ZNF892: variants seen among roughly 807,000 people sequenced by gnomAD.
ZNF892 encodes the protein zinc finger protein 570-like.
the ZNF892 span, chr2:95,208,521 AT>A: frequency 2.5e-6 from 1 of 396,844 alleles, no homozygotes; most frequent in Non-Finnish European, 4.4e-6. Context: ...ATTAAAAGAT[AT>A]TATGCGATTT....
chr2:95,243,888 T>C, the ZNF892 span, among the ~76,000 whole-genome samples: 4 of 152,190 alleles, frequency 2.6e-5, no homozygotes, highest in Non-Finnish European at 4.4e-5. Flanking sequence ...ATGGCGGTTT[T>C]GTGGAATAGA....
At chr2:95,256,441 G>C in the ZNF892 span, among the ~76,000 whole-genome samples, 1 of 152,200 alleles carries the variant, frequency 6.6e-6, no homozygotes, top group East Asian at 1.9e-4. Flanking sequence ...CGAGAGATCA[G>C]CTCTTAGTCT....
the ZNF892 span, among the ~76,000 whole-genome samples, chr2:95,228,953 A>G: frequency 6.6e-6 from 1 of 152,142 alleles, no homozygotes; most frequent in African/African-American, 2.4e-5. Context: ...ACTCAAAAGA[A>G]TGCAACCATT....
At chr2:95,210,193 G>A in the ZNF892 span, among the ~76,000 whole-genome samples, 1 of 146,616 alleles carries the variant, frequency 6.8e-6, no homozygotes, top group African/African-American at 2.5e-5. Context: ...ATGTATATGT[G>A]TATATATGTA....
At chr2:95,228,884 C>T in the ZNF892 span, among the ~76,000 whole-genome samples, 35 of 152,106 alleles carry the variant, frequency 2.3e-4, no homozygotes, top group Admixed American at 1.3e-3. Flanking sequence ...CAAAGTTACC[C>T]CTCTGCTCAC....
chr2:95,235,401 C>T, the ZNF892 span, among the ~76,000 whole-genome samples: 6 of 145,914 alleles, frequency 4.1e-5, no homozygotes, highest in East Asian at 2.0e-4. Flanking sequence ...CTAGCTCTGT[C>T]GCCCAGGCTG....
At chr2:95,209,347 G>C in the ZNF892 span, among the ~76,000 whole-genome samples, 1 of 152,224 alleles carries the variant, frequency 6.6e-6, no homozygotes, top group African/African-American at 2.4e-5. Context: ...CCTAGACTGT[G>C]GTGAGGGAAG....
At chr2:95,232,791 C>A in the ZNF892 span, among the ~76,000 whole-genome samples, 3 of 9,474 alleles carry the variant, frequency 3.2e-4, no homozygotes, top group African/African-American at 2.6e-3. Flanking sequence ...ATATAGACTG[C>A]TTTGAATATA....
At chr2:95,255,601 G>C in the ZNF892 span, among the ~76,000 whole-genome samples, 13 of 152,268 alleles carry the variant, frequency 8.5e-5, no homozygotes, top group Middle Eastern at 0.01. Context: ...AGGTCTGCTT[G>C]GTGCAGAGCT....
At chr2:95,212,437 A>G in the ZNF892 span, among the ~76,000 whole-genome samples, 3 of 152,250 alleles carry the variant, frequency 2.0e-5, no homozygotes, top group East Asian at 5.8e-4. Flanking sequence ...TTATCTGTTT[A>G]TAAAGTTATA....
At chr2:95,215,080 C>A in the ZNF892 span, 1 of 501,464 alleles carries the variant, frequency 2.0e-6, no homozygotes, top group Non-Finnish European at 3.6e-6. Context: ...ACATTCCTTA[C>A]CCAGCATCAG....
the ZNF892 span, among the ~76,000 whole-genome samples, chr2:95,235,907 G>C: frequency 6.6e-6 from 1 of 152,174 alleles, no homozygotes; most frequent in South Asian, 2.1e-4. Context: ...ATACAGTACT[G>C]TTCAACGCCT....
the ZNF892 span, among the ~76,000 whole-genome samples, chr2:95,258,054 C>T: frequency 1.1e-4 from 17 of 152,294 alleles, no homozygotes; most frequent in African/African-American, 3.4e-4. Flanking sequence ...GGCTCACGCT[C>T]GGTGTGCTGC....
chr2:95,238,534 C>T, the ZNF892 span, among the ~76,000 whole-genome samples: 1 of 152,146 alleles, frequency 6.6e-6, no homozygotes, highest in East Asian at 1.9e-4. Flanking sequence ...CTCTGAAGCC[C>T]ATGGATCAAG....
the ZNF892 span, among the ~76,000 whole-genome samples, chr2:95,213,138 T>TA: frequency 6.6e-6 from 1 of 152,236 alleles, no homozygotes; most frequent in African/African-American, 2.4e-5. Flanking sequence ...AAGCCGTTGT[T>TA]AGTCTGCCTA....
At chr2:95,219,473 G>A in the ZNF892 span, among the ~76,000 whole-genome samples, 1 of 152,018 alleles carries the variant, frequency 6.6e-6, no homozygotes, top group African/African-American at 2.4e-5. Flanking sequence ...TATTTTGTTT[G>A]TATTGAGCAT....
chr2:95,236,821 A>C, the ZNF892 span, among the ~76,000 whole-genome samples: 16 of 152,234 alleles, frequency 1.1e-4, no homozygotes, highest in Non-Finnish European at 2.1e-4. Context: ...TTGGCAAGAA[A>C]ATTTTATTAT....
the ZNF892 span, among the ~76,000 whole-genome samples, chr2:95,218,965 A>G: frequency 6.6e-6 from 1 of 152,142 alleles, no homozygotes; most frequent in Non-Finnish European, 1.5e-5. Context: ...GACATAGTTC[A>G]TAACAGTTTT....
chr2:95,229,837 T>A, the ZNF892 span, among the ~76,000 whole-genome samples: 1 of 152,240 alleles, frequency 6.6e-6, no homozygotes, highest in East Asian at 1.9e-4. Context: ...AGCAGACAGA[T>A]GTTTAGCTTT....
Sources: allele counts gnomAD v4.1 joint callset (sites outside exome capture counted in the v4.1 genomes callset), GRCh38; gene constraint gnomAD v4.1.1; transcripts MANE v1.5; gene names NCBI Gene and HGNC (gene_info 2026-07-23, HGNC 2026-07-21).